LIN54: variants seen among roughly 807,000 people sequenced by gnomAD.
LIN54 encodes protein lin-54 homolog.
In LIN54, 9 loss-of-function variants were observed where a neutral mutation model predicts 78.7. The observed-to-expected ratio is 0.11, with a 90% CI of 0.07 to 0.20. The LOEUF (loss-of-function observed/expected upper bound fraction) is 0.20, where lower values mean the gene tolerates loss of function less well. Ranked by LOEUF, LIN54 falls within the 10% of genes least tolerant of loss-of-function variation. LIN54 has a pLI of 1.00. For synonymous variants in LIN54, 269 were observed against 318.4 expected (o/e 0.84, Z 1.65); for missense variants, 573 against 889.9 (o/e 0.64, Z 4.53).
At chr4:82,953,313 G>A (rs1028070228) in intron 4 of LIN54, among the ~76,000 whole-genome samples, 2 of 152,176 alleles carry the variant, frequency 1.3e-5, no homozygotes, top group East Asian at 3.8e-4. Flanking sequence ...ACTGTTTAAA[G>A]GATATAGAAA....
In LIN54 at chr4:82,947,207, T is replaced by TTA. The variant is rs1207992875; in HGVS notation, c.952-735_952-734dup. Among the ~76,000 whole-genome samples the TTA allele has an allele frequency of 5.5e-4, 42 of 76,206 alleles. 4 individuals carry two copies. The highest frequency in any genetic ancestry group is 1.1e-3 in the African/African-American group (19 of 17,652). The allele number at this position is 76,206 out of a possible 152,430, so 50.0% of individuals were successfully genotyped here. A position where few individuals can be genotyped will look rare whatever the true frequency, so the allele number is the denominator to read the frequency against. On this transcript the variant is annotated intron_variant, in intron 4 of 12. Coordinates refer to ENST00000340417, the MANE Select transcript of LIN54 (RefSeq NM_194282.4). ...TGTATTCCCTGAGTCAAAAAAAAATTTATATATATATATATATATATATAT... is the reference window on the plus strand; with the variant it reads ...TGTATTCCCTGAGTCAAAAAAAAATTTATATATATATATATATATATATATAT...
Position 82,931,043 on chromosome 4 carries a change from C to T in LIN54, c.1948G>A (p.Val650Ile). The T allele has an allele frequency of 1.2e-6, 2 of 1,614,190 alleles. No individual in the cohort carries two copies. Among genetic ancestry groups the T allele is most frequent in the South Asian group, 1.1e-5 (1 of 91,086 alleles). ...GCTGCTGTTTGTTGCTGTACCCTTA[C>T]TTCAGCTGCATCTGCCAAATGCATC... is the stretch of plus-strand genomic sequence containing the variant. Reference protein sequence around the residue: ...TLMHLADAAEVRVQQQTAAKT... With the variant: ...TLMHLADAAEIRVQQQTAAKT... Residue 650 changes from valine to isoleucine, a missense_variant, in exon 12 of 13, where the codon GTA becomes ATA. Physicochemically the swap from Val to Ile is conservative, Grantham distance 29 (BLOSUM62 3). Transcript: ENST00000340417.
chr4:83,001,612 G>C (rs191673209), intron 1 of LIN54, among the ~76,000 whole-genome samples: 1 of 151,148 alleles, frequency 6.6e-6, no homozygotes, highest in Non-Finnish European at 1.5e-5. Context: ...TTGGGAGGCC[G>C]AGGCAGGCAG....
chr4:82,961,483 T>G (rs115252680), intron 4 of LIN54, among the ~76,000 whole-genome samples: 2 of 151,978 alleles, frequency 1.3e-5, no homozygotes, highest in African/African-American at 4.8e-5. Context: ...TTACCTACCA[T>G]AGGCCAGACA....
chr4:82,937,106 GTTTA>G (rs1343545904), intron 9 of LIN54, 117 bp downstream of exon 9: 9 of 729,794 alleles, frequency 1.2e-5, no homozygotes, highest in African/African-American at 7.1e-5. Context: ...TCATTTGTAT[GTTTA>G]TTTAAATTAC....
At position 82,981,919 on chromosome 4, in the gene LIN54, A is replaced by G. The variant is rs1013296869; in HGVS notation, c.684+2242T>C. Among the ~76,000 whole-genome samples the G allele has an allele frequency of 2.6e-5, 4 of 152,148 alleles. No individual in the cohort carries two copies. The South Asian group carries it at 8.3e-4, about 31-fold the overall frequency. ...TGTGGTGGTTTGCATCTGTAGTCCC[A>G]GCTACTTGGGAGGCTGACGTGGGAG... On this transcript the variant is annotated intron_variant, in intron 2 of 12. Transcript: ENST00000340417.
At position 83,010,747 on chromosome 4, in the gene LIN54, C is replaced by T. The variant is rs1323192452; in HGVS notation, c.-296G>A. ...ATTTCGAAAGATCCGCCATTTTCAC[C>T]TCGTCATCACCATCACAGCTCAGCA... is the stretch of plus-strand genomic sequence containing the variant. On this transcript the variant is annotated 5_prime_UTR_variant, in exon 1 of 13. Coordinates refer to ENST00000340417, the MANE Select transcript of LIN54 (RefSeq NM_194282.4). The T allele has an allele frequency of 3.2e-6, 4 of 1,231,768 alleles. No homozygotes were observed. Among genetic ancestry groups the T allele is most frequent in the Non-Finnish European group, 4.0e-6 (4 of 987,908 alleles). 76.3% of individuals were successfully genotyped at this position (1,231,768 alleles called of 1,614,324 possible).
chr4:83,010,736 G>C lies in LIN54; in HGVS notation c.-285C>G. Reference sequence around the variant, plus strand: ...GCCGGGATTGTATTTCGAAAGATCCGCCATTTTCACCTCGTCATCACCATC... The same window carrying C: ...GCCGGGATTGTATTTCGAAAGATCCCCCATTTTCACCTCGTCATCACCATC... On this transcript the variant is annotated 5_prime_UTR_variant, in exon 1 of 13. Transcript: ENST00000340417. 1 of 1,226,936 alleles carries C rather than the reference G, an allele frequency of 8.2e-7. No individual in the cohort carries two copies. Among genetic ancestry groups the C allele is most frequent in the African/African-American group, 1.6e-5 (1 of 64,234 alleles). The allele number at this position is 1,226,936 out of a possible 1,614,324, so 76.0% of individuals were successfully genotyped here.
At chr4:83,010,844 T>G, upstream of LIN54, 1 of 1,140,660 alleles carries the variant, frequency 8.8e-7, no homozygotes, top group Non-Finnish European at 1.1e-6. Flanking sequence ...TTCCTCCTCC[T>G]CCCCTCCCCG....
intron 1 of LIN54, among the ~76,000 whole-genome samples, chr4:82,985,903 A>C (rs1478732879): frequency 6.6e-6 from 1 of 152,208 alleles, no homozygotes; most frequent in Non-Finnish European, 1.5e-5. Context: ...ATCCCCATGA[A>C]GAAAAAAAGT....
chr4:82,958,848 G>T (rs947684427), intron 4 of LIN54, among the ~76,000 whole-genome samples: 12 of 151,836 alleles, frequency 7.9e-5, no homozygotes, highest in African/African-American at 2.7e-4. Flanking sequence ...GATAACAAGC[G>T]TGTGCCACTA....
intron 1 of LIN54, among the ~76,000 whole-genome samples, chr4:83,004,709 G>A (rs1296343430): frequency 6.6e-5 from 10 of 151,312 alleles, no homozygotes; most frequent in Admixed American, 5.9e-4. Context: ...ACGTTGCCCA[G>A]GCTGGTCTTG....
intron 11 of LIN54, among the ~76,000 whole-genome samples, chr4:82,932,096 T>A (rs948304261): frequency 3.1e-4 from 45 of 146,848 alleles, no homozygotes; most frequent in African/African-American, 1.1e-3. Flanking sequence ...ATTTTAATTT[T>A]TTTTTTTTTT....
intron 2 of LIN54, among the ~76,000 whole-genome samples, 185 bp downstream of exon 2, chr4:82,983,976 T>G (rs1726901034): frequency 6.6e-6 from 1 of 152,208 alleles, no homozygotes; most frequent in African/African-American, 2.4e-5. Flanking sequence ...CTAAGTTATC[T>G]GGTAAAAATT....
intron 4 of LIN54, among the ~76,000 whole-genome samples, chr4:82,962,002 C>T (rs1294854687): frequency 1.3e-5 from 2 of 151,686 alleles, no homozygotes; most frequent in East Asian, 1.9e-4. Context: ...CAACATTACA[C>T]AAAGTATGAC....
Position 82,984,714 on chromosome 4 carries a change from A to G in LIN54, c.131T>C (p.Leu44Pro), listed in dbSNP as rs577013117. ...VSSPIPMETE[L>P]EEIVNINSTG... ...AGAATTTATGTTGACAATTTCTTCCAGTTCTGTCTCCATGGGAATTGGGGA... is the reference window on the plus strand; with the variant it reads ...AGAATTTATGTTGACAATTTCTTCCGGTTCTGTCTCCATGGGAATTGGGGA... The change falls in exon 2 of 13, where the codon CTG becomes CCG. Residue 44 changes from leucine to proline, a missense_variant. Transcript: ENST00000340417. 8 of 1,614,184 alleles carry G rather than the reference A, an allele frequency of 5.0e-6. No individual in the cohort carries two copies. In the South Asian group the frequency reaches 5.5e-5, roughly 11 times the overall value.
intron 9 of LIN54, 80 bp from the exon 10 acceptor site, chr4:82,936,461 A>G (rs1198059310): frequency 9.9e-6 from 7 of 705,294 alleles, no homozygotes; most frequent in South Asian, 3.8e-5. Flanking sequence ...CATTGTATAT[A>G]TATTGTACAC....
Position 82,990,979 on chromosome 4 carries a change from G to A in LIN54, c.-32-6103C>T, listed in dbSNP as rs549830647. On this transcript the variant is annotated intron_variant, in intron 1 of 12. Transcript: ENST00000340417. The stretch of plus-strand genomic sequence containing the variant: ...ACAAAAGGGCTGTCACTGCCTCACT[G>A]GTAAGAGGTACAGAAATGCAAGGAC... Among the ~76,000 whole-genome samples, 6 of 152,086 alleles carry A rather than the reference G, an allele frequency of 3.9e-5. No homozygotes were observed. In the East Asian group the frequency reaches 9.7e-4, roughly 25 times the overall value.
intron 4 of LIN54, among the ~76,000 whole-genome samples, chr4:82,967,224 CAA>C (rs373152789): frequency 2.8e-5 from 3 of 108,010 alleles, no homozygotes; most frequent in African/African-American, 3.6e-5. Context: ...GACTCCATCT[CAA>C]AAAAAAAAAA....
Sources: gnomAD v4.1 joint callset for allele counts (sites outside exome capture counted in the v4.1 genomes callset) on GRCh38, gnomAD v4.1.1 for gene constraint, MANE v1.5 for transcripts, NCBI Gene and HGNC (gene_info 2026-07-23, HGNC 2026-07-21) for gene names.